TMEM132D: variants seen among roughly 807,000 people sequenced by gnomAD.
The protein encoded by TMEM132D is mature OL transmembrane protein.
A neutral mutation model predicts 62.3 loss-of-function variants in TMEM132D; 21 were observed. The observed-to-expected ratio is 0.34, with a 90% confidence interval of 0.24 to 0.49. TMEM132D has a LOEUF of 0.49. TMEM132D is among the 20% of genes least tolerant of loss of function. The pLI is 0.99. For missense variants in TMEM132D, 1,346 were observed against 1,402.8 expected (o/e 0.96, Z 0.65); for synonymous variants, 621 against 575.6 (o/e 1.08, Z -1.13).
intron 5 of TMEM132D, among the ~76,000 whole-genome samples, chr12:129,207,555 G>A (rs772357886): frequency 1.1e-4 from 17 of 152,156 alleles, no homozygotes; most frequent in Non-Finnish European, 2.2e-4. Flanking sequence ...GGCATCCAGG[G>A]AAAGAGAGTT....
At chr12:129,709,347 A>T (rs1202057447) in intron 1 of TMEM132D, among the ~76,000 whole-genome samples, 2 of 152,274 alleles carry the variant, frequency 1.3e-5, no homozygotes, top group African/African-American at 2.4e-5. Flanking sequence ...CATAAAGCTG[A>T]AAAATCAGCT....
In TMEM132D at chr12:129,848,122, T is replaced by C. The variant is rs115545178; in HGVS notation, c.79+55139A>G. ...TGAGAGTTGACTCCCCTCTGGATGC[T>C]GAGCATTGTGATTTCTTCCAGCAGG... On this transcript the variant is annotated intron_variant, in intron 1 of 8. Coordinates refer to ENST00000422113, the MANE Select transcript of TMEM132D (RefSeq NM_133448.3). Among the ~76,000 whole-genome samples, 592 of 152,350 alleles carry C rather than the reference T, an allele frequency of 3.9e-3. 3 individuals carry two copies. The highest frequency in any genetic ancestry group is 0.014 in the African/African-American group (563 of 41,580).
At chr12:129,203,796 A>G (rs1026415921) in intron 5 of TMEM132D, among the ~76,000 whole-genome samples, 1 of 152,266 alleles carries the variant, frequency 6.6e-6, no homozygotes, top group African/African-American at 2.4e-5. Context: ...TATGGGCAGC[A>G]GATTAGGACC....
intron 4 of TMEM132D, among the ~76,000 whole-genome samples, chr12:129,294,490 G>C (rs1881522267): frequency 6.6e-6 from 1 of 152,084 alleles, no homozygotes; most frequent in African/African-American, 2.4e-5. Context: ...CTTTCAGCTG[G>C]GACAGGTGCC....
chr12:129,211,276 T>C (rs1480410114), intron 4 of TMEM132D, among the ~76,000 whole-genome samples: 1 of 152,224 alleles, frequency 6.6e-6, no homozygotes, highest in Non-Finnish European at 1.5e-5. Context: ...GTCTTTTCCT[T>C]GACACAATAA....
chr12:129,724,001 G>T (rs190318813), intron 1 of TMEM132D, among the ~76,000 whole-genome samples: 21 of 152,300 alleles, frequency 1.4e-4, no homozygotes, highest in Admixed American at 3.9e-4. Flanking sequence ...TGTCAAGACG[G>T]GGGAGATTAC....
At chr12:129,089,456 A>C (rs773134654) in intron 5 of TMEM132D, among the ~76,000 whole-genome samples, 1 of 29,456 alleles carries the variant, frequency 3.4e-5, no homozygotes, top group African/African-American at 1.8e-4. Context: ...GGTGTCCTCT[A>C]TGACCGGGTG....
chr12:129,446,264 G>T (rs1380659066), intron 3 of TMEM132D, among the ~76,000 whole-genome samples: 1 of 152,160 alleles, frequency 6.6e-6, no homozygotes, highest in Admixed American at 6.5e-5. Flanking sequence ...TGTTAGAGAG[G>T]ATGTGGTGTG....
At chr12:129,353,895 G>A (rs1358823901) in intron 3 of TMEM132D, among the ~76,000 whole-genome samples, 1 of 151,984 alleles carries the variant, frequency 6.6e-6, no homozygotes, top group East Asian at 1.9e-4. Flanking sequence ...TCTCTCGGAG[G>A]TCTAATCTTC....
chr12:129,523,326 C>T (rs893086722), intron 3 of TMEM132D, among the ~76,000 whole-genome samples: 2 of 152,172 alleles, frequency 1.3e-5, no homozygotes, highest in African/African-American at 4.8e-5. Context: ...TCTGAAATCA[C>T]AAACCGACAG....
At chr12:129,162,238 G>A (rs1877419074) in intron 5 of TMEM132D, among the ~76,000 whole-genome samples, 1 of 152,156 alleles carries the variant, frequency 6.6e-6, no homozygotes, top group Non-Finnish European at 1.5e-5. Flanking sequence ...CTGAGAGCTT[G>A]CATGCTCCAT....
chr12:129,338,942 T>C (rs1344028278), intron 3 of TMEM132D, among the ~76,000 whole-genome samples: 1 of 150,288 alleles, frequency 6.7e-6, no homozygotes, highest in East Asian at 2.0e-4. Context: ...GAGATTCTAA[T>C]GAACAGAGAA....
In TMEM132D at chr12:129,220,086, G is replaced by C. The variant is rs547322661; in HGVS notation, c.1300-10423C>G. On this transcript the variant is annotated intron_variant, in intron 4 of 8. Coordinates refer to ENST00000422113, the MANE Select transcript of TMEM132D (RefSeq NM_133448.3). ...GTTTTAAGAATATTGTATCAGTCAGGGATGTTAGTTGCAGACAACAGAATC... is the reference window on the plus strand; with the variant it reads ...GTTTTAAGAATATTGTATCAGTCAGCGATGTTAGTTGCAGACAACAGAATC... Among the ~76,000 whole-genome samples, 48 of 152,092 alleles carry C rather than the reference G, an allele frequency of 3.2e-4. 1 individual carries two copies. In the South Asian group the frequency reaches 9.6e-3, roughly 30 times the overall value.
At chr12:129,603,396 G>C (rs1878533672) in intron 2 of TMEM132D, among the ~76,000 whole-genome samples, 1 of 152,146 alleles carries the variant, frequency 6.6e-6, no homozygotes, top group Non-Finnish European at 1.5e-5. Context: ...AAATCTTACA[G>C]CATGTAGTCT....
intron 3 of TMEM132D, among the ~76,000 whole-genome samples, chr12:129,458,319 G>A (rs1360132024): frequency 6.6e-6 from 1 of 151,812 alleles, no homozygotes; most frequent in African/African-American, 2.4e-5. Context: ...CCACTGCAAA[G>A]GATATAAAAA....
intron 3 of TMEM132D, among the ~76,000 whole-genome samples, chr12:129,448,078 G>A (rs1374858068): frequency 6.6e-6 from 1 of 152,124 alleles, no homozygotes; most frequent in Non-Finnish European, 1.5e-5. Flanking sequence ...ATGCATGAGG[G>A]AATATGGCCC....
chr12:129,494,583 AT>A (rs1874892710), intron 3 of TMEM132D, among the ~76,000 whole-genome samples: 1 of 152,036 alleles, frequency 6.6e-6, no homozygotes. Context: ...TATATAATAG[AT>A]TTTTCAGCTT....
chr12:129,181,050 A>C (rs1878052403), intron 5 of TMEM132D, among the ~76,000 whole-genome samples: 1 of 152,114 alleles, frequency 6.6e-6, no homozygotes, highest in Non-Finnish European at 1.5e-5. Context: ...GGGGATATGA[A>C]GGTGGTGGCT....
chr12:129,707,154 T>A (rs142942010), intron 1 of TMEM132D, among the ~76,000 whole-genome samples: 2,453 of 147,222 alleles, frequency 0.017, 101 homozygotes, highest in East Asian at 0.13. Context: ...TTAGGAAAAA[T>A]ATATATATAT....
Sources: gnomAD v4.1 joint callset for allele counts (sites outside exome capture counted in the v4.1 genomes callset) on GRCh38, gnomAD v4.1.1 for gene constraint, MANE v1.5 for transcripts, NCBI Gene and HGNC (gene_info 2026-07-23, HGNC 2026-07-21) for gene names.